HSPA14: variants seen among roughly 807,000 people sequenced by gnomAD.
The protein encoded by HSPA14 is heat shock protein family A (Hsp70) member 14, also known as heat shock 70 kDa protein 14.
A neutral mutation model predicts 65.5 loss-of-function variants in HSPA14; 37 were observed. That is an observed-to-expected ratio of 0.56 (90% CI 0.43 to 0.74). HSPA14 has a LOEUF of 0.74. HSPA14 is among the 30% of genes least tolerant of loss of function. The probability of loss-of-function intolerance (pLI) is 0.00; values close to 1 mark genes in which losing one functional copy is unlikely to be tolerated. For synonymous variants in HSPA14, 203 were observed against 214.2 expected (o/e 0.95, Z 0.46); for missense variants, 564 against 607.6 (o/e 0.93, Z 0.75).
At chr10:14,870,455 G>A (rs765424779) in intron 12 of HSPA14, 142 bp from the exon 13 acceptor site, 19 of 828,300 alleles carry the variant, frequency 2.3e-5, no homozygotes, top group Admixed American at 3.7e-5. Context: ...TTCTGATTCA[G>A]TGGTAGGAGA....
At chr10:14,869,274 C>G (rs577002558) in intron 12 of HSPA14, among the ~76,000 whole-genome samples, 27 of 147,100 alleles carry the variant, frequency 1.8e-4, no homozygotes, top group Admixed American at 1.2e-3. Flanking sequence ...TAAAGAGATA[C>G]ATATCTTTAG....
chr10:14,841,295 G>A lies in HSPA14; in HGVS notation c.221+1138G>A, dbSNP rs78653812. On this transcript the variant is annotated intron_variant, in intron 3 of 13. Coordinates refer to ENST00000378372, the MANE Select transcript of HSPA14 (RefSeq NM_016299.4). The stretch of plus-strand genomic sequence containing the variant: ...TACCGAGCATATTAAATATAAGTTG[G>A]TGTCAAATATTTTCAGATCATAAAG... 4.3e-4 allele frequency: 65 copies of A among 152,248 alleles called. 1 individual carries two copies. The East Asian group carries it at 6.8e-3, about 16-fold the overall frequency. The allele number at this position is 152,248 out of a possible 1,614,324, so 9.4% of individuals were successfully genotyped here.
intron 8 of HSPA14, among the ~76,000 whole-genome samples, chr10:14,853,676 A>G (rs758555186): frequency 1.3e-5 from 2 of 152,200 alleles, no homozygotes; most frequent in Non-Finnish European, 2.9e-5. Context: ...TTAGAAGAGA[A>G]ATACTAAAAT....
At chr10:14,839,299 C>G (rs1485532316) in intron 1 of HSPA14, among the ~76,000 whole-genome samples, 1 of 152,180 alleles carries the variant, frequency 6.6e-6, no homozygotes, top group Non-Finnish European at 1.5e-5. Flanking sequence ...AGGGGCCCAG[C>G]GCGGTGGCTT....
Position 14,849,765 on chromosome 10 carries a change from A to T in HSPA14, c.421A>T (p.Ile141Phe). 1.2e-6 allele frequency: 2 copies of T among 1,613,728 alleles called. No individual in the cohort carries two copies. Residue 141 changes from isoleucine to phenylalanine, a missense_variant, in exon 6 of 14, where the codon ATT (isoleucine) becomes TTT (phenylalanine). By Grantham distance (21) the Ile-to-Phe change is conservative. Transcript: ENST00000378372. The part of the protein sequence containing the change: ...VLGSDANDVV[I>F]TVPFDFGEKQ... Reference sequence around the variant, plus strand: ...GGGCTCAGATGCAAATGATGTAGTTATTACTGTCCCGTTTGATTTTGGAGA... The same window carrying T: ...GGGCTCAGATGCAAATGATGTAGTTTTTACTGTCCCGTTTGATTTTGGAGA...
Position 14,853,577 on chromosome 10 carries a change from C to T in HSPA14, c.735-548C>T, listed in dbSNP as rs545553076. On this transcript the variant is annotated intron_variant, in intron 8 of 13. Transcript: ENST00000378372. ...AGCAGTTCATGGTTACATAATGTAGCAATTCAGAGTATTAAGGAAATTGGT... is the reference window on the plus strand; with the variant it reads ...AGCAGTTCATGGTTACATAATGTAGTAATTCAGAGTATTAAGGAAATTGGT... 3.3e-5 allele frequency among the ~76,000 whole-genome samples: 5 copies of T among 152,222 alleles called. No homozygotes were observed. The South Asian group carries it at 6.2e-4, about 19-fold the overall frequency.
chr10:14,863,280 G>C (rs1018007506), intron 10 of HSPA14, among the ~76,000 whole-genome samples: 4 of 152,088 alleles, frequency 2.6e-5, no homozygotes, highest in Non-Finnish European at 5.9e-5. Flanking sequence ...TATATCGTCT[G>C]AACAAACTGA....
At chr10:14,841,701 G>C (rs1833973654) in intron 3 of HSPA14, among the ~76,000 whole-genome samples, 3 of 152,200 alleles carry the variant, frequency 2.0e-5, no homozygotes, top group Non-Finnish European at 2.9e-5. Flanking sequence ...TGTATTAGCA[G>C]AGCAACTTAA....
chr10:14,846,957 C>T (rs1418421944), intron 3 of HSPA14: 1 of 985,284 alleles, frequency 1.0e-6, no homozygotes, highest in Non-Finnish European at 1.2e-6. Flanking sequence ...TTTTTCTGTT[C>T]GGTAATCCTG....
At chr10:14,865,248 A>C (rs956129177) in intron 10 of HSPA14, among the ~76,000 whole-genome samples, 2 of 152,042 alleles carry the variant, frequency 1.3e-5, no homozygotes, top group African/African-American at 4.8e-5. Flanking sequence ...GTAGATTGCA[A>C]AAATTTTCTC....
At chr10:14,844,591 C>A (rs1204191554) in intron 3 of HSPA14, 1 of 985,282 alleles carries the variant, frequency 1.0e-6, no homozygotes, top group Non-Finnish European at 1.2e-6. Flanking sequence ...CCGTCTTTCT[C>A]TCCTTCATTT....
Position 14,851,292 on chromosome 10 carries a change from G to A in HSPA14, c.541G>A (p.Gly181Arg), listed in dbSNP as rs781611125. ...ACCGTCTGCAGCTCTTCTTGCTTAT[G>A]GAATTGGACAAGACTCCCCTACTGG... ...HEPSAALLAY[G>R]IGQDSPTGKS... Residue 181 changes from glycine to arginine, a missense_variant, in exon 7 of 14, where the codon GGA becomes AGA. Physicochemically the swap from Gly to Arg is moderately radical, Grantham distance 125 (BLOSUM62 -2). Transcript: ENST00000378372. 1 of 1,610,930 alleles carries A rather than the reference G, an allele frequency of 6.2e-7. No individual in the cohort carries two copies. The highest frequency in any genetic ancestry group is 1.1e-5 in the South Asian group (1 of 90,898).
At chr10:14,839,859 C>A in intron 1 of HSPA14, 46 bp from the exon 2 acceptor site, 1 of 1,423,156 alleles carries the variant, frequency 7.0e-7, no homozygotes, top group Non-Finnish European at 9.9e-7. Flanking sequence ...ATGCACACGT[C>A]TGAATACGTC....
intron 10 of HSPA14, among the ~76,000 whole-genome samples, chr10:14,861,888 T>C (rs945476226): frequency 1.3e-5 from 2 of 151,448 alleles, no homozygotes; most frequent in Admixed American, 1.3e-4. Context: ...GGTGCGCGCC[T>C]GTAGTCCCAG....
chr10:14,839,600 G>A (rs973780615), intron 1 of HSPA14, among the ~76,000 whole-genome samples: 3 of 151,972 alleles, frequency 2.0e-5, no homozygotes, highest in Non-Finnish European at 4.4e-5. Flanking sequence ...AATGGTAATG[G>A]TAAGAAGGAA....
Position 14,842,386 on chromosome 10 carries a change from G to A in HSPA14, c.221+2229G>A. ...AGGCAGAGTATATTCAGCGCCTCCA[G>A]ACTGTGCATCACAATGCAGATGTCT... On this transcript the variant is annotated intron_variant, in intron 3 of 13. Transcript: ENST00000378372. This position sits in a 1 kb window ranked among gnomAD's most constrained non-coding sequence, Gnocchi z 5.2. The A allele has an allele frequency of 1.3e-6, 2 of 1,536,160 alleles. No individual in the cohort carries two copies. The highest frequency in any genetic ancestry group is 1.7e-6 in the Non-Finnish European group (2 of 1,146,914).
intron 8 of HSPA14, 103 bp downstream of exon 8, chr10:14,852,634 G>T: frequency 3.1e-6 from 3 of 966,898 alleles, no homozygotes; most frequent in Non-Finnish European, 4.6e-6. Flanking sequence ...TGCAAAGGAG[G>T]ATGTGGTTTT....
intron 3 of HSPA14, among the ~76,000 whole-genome samples, chr10:14,847,377 A>C (rs1834068623): frequency 6.6e-6 from 1 of 152,222 alleles, no homozygotes; most frequent in South Asian, 2.1e-4. Flanking sequence ...TATTTTTCCT[A>C]TTCTTAAAGT....
At chr10:14,862,764 C>G (rs915291492) in intron 10 of HSPA14, among the ~76,000 whole-genome samples, 1 of 152,026 alleles carries the variant, frequency 6.6e-6, no homozygotes, top group Non-Finnish European at 1.5e-5. Flanking sequence ...ACTGCAGCCT[C>G]GAACTCCCAG....
Sources: gnomAD v4.1 joint callset for allele counts (sites outside exome capture counted in the v4.1 genomes callset) on GRCh38, gnomAD v4.1.1 for gene constraint, Gnocchi (gnomAD v3.1) non-coding constraint, MANE v1.5 for transcripts, NCBI Gene and HGNC (gene_info 2026-07-23, HGNC 2026-07-21) for gene names.